ANKRD12: variants seen among roughly 807,000 people sequenced by gnomAD.
The protein encoded by ANKRD12 is ankyrin repeat domain-containing protein 12.
A neutral mutation model predicts 183.4 loss-of-function variants in ANKRD12; 85 were observed. The observed-to-expected ratio is 0.46, with a 90% CI of 0.39 to 0.56. The LOEUF (loss-of-function observed/expected upper bound fraction) is 0.56. ANKRD12 is among the 20% of genes least tolerant of loss of function. The pLI is 0.00. For synonymous variants in ANKRD12, 914 were observed against 800.2 expected, an observed-to-expected ratio of 1.14 and a Z score of -2.40; for missense variants, 2,405 against 2,357.1, an observed-to-expected ratio of 1.02 and a Z score of -0.42.
chr18:9,175,157 C>T (rs557568235), intron 1 of ANKRD12, among the ~76,000 whole-genome samples: 2 of 152,190 alleles, frequency 1.3e-5, no homozygotes, highest in African/African-American at 4.8e-5. Context: ...AGCATTGATT[C>T]TGAGGGCCTG....
intron 8 of ANKRD12, among the ~76,000 whole-genome samples, chr18:9,231,081 GTTCCTTTTGGTATTGATTTCTAGT>G (rs1386097479): frequency 6.6e-6 from 1 of 152,076 alleles, no homozygotes; most frequent in Admixed American, 6.5e-5. Flanking sequence ...AGTGTTCAAA[GTTCCTTTTGGTATTGATTTCTAGT>G]TTCATCCCAT....
intron 3 of ANKRD12, among the ~76,000 whole-genome samples, chr18:9,203,701 T>C (rs1385083074): frequency 2.6e-5 from 4 of 152,022 alleles, no homozygotes; most frequent in Admixed American, 1.3e-4. Flanking sequence ...GCCACCTGGG[T>C]TCAAGTGATT....
intron 1 of ANKRD12, among the ~76,000 whole-genome samples, chr18:9,150,500 C>T (rs542530024): frequency 2.6e-5 from 4 of 152,128 alleles, no homozygotes; most frequent in African/African-American, 7.2e-5. Context: ...CATAAAAATT[C>T]CTTAAGGACT....
At chr18:9,139,377 A>G (rs569132611) in intron 1 of ANKRD12, among the ~76,000 whole-genome samples, 1 of 152,320 alleles carries the variant, frequency 6.6e-6, no homozygotes, top group Admixed American at 6.5e-5. Flanking sequence ...CTTTTGAAGT[A>G]GATTGGAGAA....
chr18:9,199,554 A>G lies in ANKRD12; in HGVS notation c.235+3856A>G, dbSNP rs185804322. Among the ~76,000 whole-genome samples, 168 of 152,294 alleles carry G rather than the reference A, an allele frequency of 1.1e-3. 1 individual carries two copies. Among genetic ancestry groups the G allele is most frequent in the Admixed American group, 3.9e-3 (60 of 15,296 alleles). ...AGAAAAAAGGGTAGGGAATAAGGAG[A>G]AAGCATATCATCTTATCTCTAGCAA... is the stretch of plus-strand genomic sequence containing the variant. On this transcript the variant is annotated intron_variant, in intron 3 of 12. Coordinates refer to ENST00000262126, the MANE Select transcript of ANKRD12 (RefSeq NM_015208.5).
intron 1 of ANKRD12, among the ~76,000 whole-genome samples, chr18:9,147,109 GT>G (rs536775217): frequency 8.6e-5 from 13 of 151,338 alleles, no homozygotes; most frequent in African/African-American, 2.7e-4. Flanking sequence ...TTTGGACGTA[GT>G]TTTTTTTTAG....
chr18:9,158,670 C>A (rs915399931), intron 1 of ANKRD12, among the ~76,000 whole-genome samples: 1 of 152,188 alleles, frequency 6.6e-6, no homozygotes, highest in African/African-American at 2.4e-5. Flanking sequence ...TGTCAGGTTT[C>A]TCTACAGCAC....
chr18:9,240,507 C>T (rs2037600299), intron 8 of ANKRD12, among the ~76,000 whole-genome samples: 1 of 152,164 alleles, frequency 6.6e-6, no homozygotes, highest in Admixed American at 6.5e-5. Flanking sequence ...TAACACCCCT[C>T]CCGCATACTT....
At chr18:9,181,345 C>A (rs900934327) in intron 1 of ANKRD12, among the ~76,000 whole-genome samples, 3 of 152,168 alleles carry the variant, frequency 2.0e-5, no homozygotes, top group African/African-American at 7.2e-5. Flanking sequence ...GCAGATTTTA[C>A]TAATACTCTG....
intron 9 of ANKRD12, chr18:9,259,442 T>C (rs1464255644): frequency 1.3e-5 from 2 of 152,092 alleles, no homozygotes; most frequent in Non-Finnish European, 2.9e-5. Flanking sequence ...GACACATTTA[T>C]GTGTTTACAA....
intron 8 of ANKRD12, among the ~76,000 whole-genome samples, chr18:9,237,469 T>C (rs2144948703): frequency 6.6e-6 from 1 of 152,320 alleles, no homozygotes; most frequent in Non-Finnish European, 1.5e-5. Context: ...TATTATAACA[T>C]TCTTTTTAGG....
chr18:9,213,032 C>A (rs188191680), intron 6 of ANKRD12, among the ~76,000 whole-genome samples: 1 of 151,878 alleles, frequency 6.6e-6, no homozygotes, highest in Non-Finnish European at 1.5e-5. Context: ...AATACACTCT[C>A]ATTACAGTGT....
At position 9,257,118 on chromosome 18, in the gene ANKRD12, C is replaced by A. The variant is rs369214537; in HGVS notation, c.3851C>A (p.Ser1284Tyr). Residue 1284 changes from serine to tyrosine, a missense_variant, in exon 9 of 13, where the codon TCC becomes TAC. Physicochemically the swap from Ser to Tyr is moderately radical, Grantham distance 144. Transcript: ENST00000262126. The stretch of plus-strand genomic sequence containing the variant: ...CCATATGCAAACAGACTTTCAACAT[C>A]CCATCTTAGGTCATCTTCTGTAGAA... ...KPPYANRLSTSHLRSSSVEDV... is the reference protein window; with the variant it reads ...KPPYANRLSTYHLRSSSVEDV... 8.3e-5 allele frequency: 134 copies of A among 1,614,010 alleles called. No homozygotes were observed. Among genetic ancestry groups the A allele is most frequent in the Non-Finnish European group, 1.1e-4 (128 of 1,179,996 alleles).
intron 11 of ANKRD12, among the ~76,000 whole-genome samples, chr18:9,276,154 A>G (rs983804937): frequency 8.5e-5 from 13 of 152,380 alleles, no homozygotes; most frequent in African/African-American, 2.4e-4. Context: ...TATAAATTAC[A>G]TGAACTCAGA....
intron 3 of ANKRD12, among the ~76,000 whole-genome samples, chr18:9,196,821 G>A (rs866712135): frequency 6.6e-6 from 1 of 151,972 alleles, no homozygotes; most frequent in Non-Finnish European, 1.5e-5. Context: ...AGCTACACTG[G>A]TTTCTTTGAG....
At position 9,255,361 on chromosome 18, in the gene ANKRD12, G is replaced by T. The variant is rs2038541852; in HGVS notation, c.2094G>T (p.Glu698Asp). The T allele has an allele frequency of 1.2e-6, 2 of 1,607,856 alleles. No homozygotes were observed. The highest frequency in any genetic ancestry group is 1.7e-5 in the Admixed American group (1 of 58,758). Reference sequence around the variant, plus strand: ...AATTTGATAGAGAATTTTGGAAAGAGAATTTTTTTAAAAGTGATGAAACTG... The same window carrying T: ...AATTTGATAGAGAATTTTGGAAAGATAATTTTTTTAAAAGTGATGAAACTG... ...SVEFDREFWKENFFKSDETED... is the reference protein window; with the variant it reads ...SVEFDREFWKDNFFKSDETED... Residue 698 changes from glutamate (E) to aspartate (D), a missense_variant, in exon 9 of 13, where the codon GAG becomes GAT. Physicochemically the swap from Glu to Asp is conservative, Grantham distance 45 (BLOSUM62 2). Transcript: ENST00000262126.
At chr18:9,185,951 C>T (rs565363097) in intron 2 of ANKRD12, among the ~76,000 whole-genome samples, 1 of 152,250 alleles carries the variant, frequency 6.6e-6, no homozygotes, top group African/African-American at 2.4e-5. Context: ...TTTATTTCTG[C>T]ATGTTTAAGT....
intron 10 of ANKRD12, among the ~76,000 whole-genome samples, chr18:9,265,057 A>AG (rs2039203260): frequency 6.6e-6 from 1 of 151,970 alleles, no homozygotes; most frequent in Non-Finnish European, 1.5e-5. Flanking sequence ...TCAAACCGCA[A>AG]GGCGGGAGCG....
intron 10 of ANKRD12, among the ~76,000 whole-genome samples, chr18:9,270,286 T>C (rs1434345099): frequency 1.3e-5 from 2 of 152,224 alleles, no homozygotes; most frequent in Non-Finnish European, 2.9e-5. Flanking sequence ...GGATTATAAA[T>C]CATGCTGCTA....
Sources: gnomAD v4.1 joint callset for allele counts (sites outside exome capture counted in the v4.1 genomes callset) on GRCh38, gnomAD v4.1.1 for gene constraint, MANE v1.5 for transcripts, NCBI Gene and HGNC (gene_info 2026-07-23, HGNC 2026-07-21) for gene names.